The following SLC44A5 variants were observed in gnomAD, a reference collection of about 807,000 sequenced individuals.
The protein encoded by SLC44A5 is solute carrier family 44 member 5, also known as choline transporter-like protein 5.
In SLC44A5, 57 loss-of-function variants were observed where a neutral mutation model predicts 101.8. The ratio of observed to expected loss-of-function variants is 0.56; its 90% confidence interval spans 0.45 to 0.70. The LOEUF is 0.70. SLC44A5 is among the 30% of genes least tolerant of loss of function. The probability of loss-of-function intolerance (pLI) is 0.00; values close to 1 mark genes in which losing one functional copy is unlikely to be tolerated. For missense variants in SLC44A5, 737 were observed against 853.1 expected (o/e 0.86, Z 1.70); for synonymous variants, 281 against 290.9 (o/e 0.97, Z 0.35).
At chr1:75,276,686 T>A (rs1055300144) in intron 5 of SLC44A5, among the ~76,000 whole-genome samples, 2 of 152,240 alleles carry the variant, frequency 1.3e-5, no homozygotes, top group African/African-American at 4.8e-5. Context: ...ATCTTAGTTC[T>A]TGTCTTATTT....
At chr1:75,223,100 C>G (rs1168891916) in intron 13 of SLC44A5, among the ~76,000 whole-genome samples, 2 of 152,132 alleles carry the variant, frequency 1.3e-5, no homozygotes, top group Middle Eastern at 3.2e-3. Flanking sequence ...TGCGTCAAAA[C>G]CATCTTTATG....
At chr1:75,606,202 C>A (rs1206061417) in intron 1 of SLC44A5, among the ~76,000 whole-genome samples, 1 of 151,908 alleles carries the variant, frequency 6.6e-6, no homozygotes, top group Non-Finnish European at 1.5e-5. Flanking sequence ...CTTCTGGAAA[C>A]TTTTTCCTAC....
At chr1:75,685,009 C>T in the SLC44A5 span, among the ~76,000 whole-genome samples, 101 of 152,282 alleles carry the variant, frequency 6.6e-4, no homozygotes, top group Non-Finnish European at 4.7e-4. Flanking sequence ...CCTCTGAAAT[C>T]GAGGCAGAGC....
At chr1:75,496,012 C>T (rs1668652244) in intron 2 of SLC44A5, among the ~76,000 whole-genome samples, 1 of 152,018 alleles carries the variant, frequency 6.6e-6, no homozygotes, top group Non-Finnish European at 1.5e-5. Flanking sequence ...ACTATAGTCA[C>T]CCTGTTGTGT....
At chr1:75,723,201 T>C in the SLC44A5 span, among the ~76,000 whole-genome samples, 1 of 152,208 alleles carries the variant, frequency 6.6e-6, no homozygotes, top group African/African-American at 2.4e-5. Context: ...GTCTCCTTTA[T>C]GCGTGTGTGC....
chr1:75,274,958 T>G lies in SLC44A5; in HGVS notation c.260A>C (p.Glu87Ala). 1 of 1,611,318 alleles carries G rather than the reference T, an allele frequency of 6.2e-7. No homozygotes were observed. The highest frequency in any genetic ancestry group is 8.5e-7 in the Non-Finnish European group (1 of 1,178,444). The part of the protein sequence containing the change: ...HFCGQKGTPN[E>A]NKTILFYFNL... ...ACAAAGCAAAGGTGGCCATACTCAC[T>G]CATTGGGAGTGCCCTTCTGGCCACA... The change falls in exon 6 of 24, where the codon GAG becomes GCG. Residue 87 changes from glutamate to alanine, a missense_variant and splice_region_variant. By Grantham distance (107) the Glu-to-Ala change is moderately radical (BLOSUM62 -1). Coordinates refer to ENST00000370859, the MANE Select transcript of SLC44A5 (RefSeq NM_001130058.2).
In SLC44A5 at chr1:75,535,854, T is replaced by C. The variant is rs373277194; in HGVS notation, c.13+5581A>G. Reference sequence around the variant, plus strand: ...CACTCAGCAGAAACATTTTTAGTAGTTGGCATCTAAGACACCATTCACAAT... The same window carrying C: ...CACTCAGCAGAAACATTTTTAGTAGCTGGCATCTAAGACACCATTCACAAT... On this transcript the variant is annotated intron_variant, in intron 2 of 23. Transcript: ENST00000370859. Among the ~76,000 whole-genome samples the C allele has an allele frequency of 9.9e-4, 150 of 152,184 alleles. 5 individuals carry two copies. The South Asian group carries it at 0.016, about 16-fold the overall frequency.
At chr1:75,645,393 T>C in the SLC44A5 span, among the ~76,000 whole-genome samples, 1 of 152,182 alleles carries the variant, frequency 6.6e-6, no homozygotes, top group East Asian at 1.9e-4. Flanking sequence ...ATGAGCATTT[T>C]TTCATGTGTC....
In SLC44A5 at chr1:75,359,528, A is replaced by G. The variant is rs181229406; in HGVS notation, c.53-19898T>C. On this transcript the variant is annotated intron_variant, in intron 3 of 23. Transcript: ENST00000370859. ...AGTGCTGGGATTACAGGCCTGAGCCACCATGCCCAGCTATACCACATTTTC... is the reference window on the plus strand; with the variant it reads ...AGTGCTGGGATTACAGGCCTGAGCCGCCATGCCCAGCTATACCACATTTTC... Among the ~76,000 whole-genome samples the G allele has an allele frequency of 8.1e-4, 123 of 152,168 alleles. 1 individual carries two copies. Among genetic ancestry groups the G allele is most frequent in the African/African-American group, 2.7e-3 (113 of 41,526 alleles).
chr1:75,408,587 T>C (rs544356676), intron 2 of SLC44A5, among the ~76,000 whole-genome samples: 1 of 152,114 alleles, frequency 6.6e-6, no homozygotes, highest in Non-Finnish European at 1.5e-5. Flanking sequence ...AAACCATCAT[T>C]CTCAGCAAAC....
At chr1:75,513,869 G>T (rs1669690102) in intron 2 of SLC44A5, among the ~76,000 whole-genome samples, 1 of 152,152 alleles carries the variant, frequency 6.6e-6, no homozygotes, top group African/African-American at 2.4e-5. Flanking sequence ...TTACAGCTCT[G>T]TTGCACAGCC....
At chr1:75,576,239 G>T (rs1673355108) in intron 1 of SLC44A5, among the ~76,000 whole-genome samples, 1 of 151,476 alleles carries the variant, frequency 6.6e-6, no homozygotes, top group South Asian at 2.1e-4. Context: ...TGAAGATGGA[G>T]ATGAAGTTGG....
the SLC44A5 span, among the ~76,000 whole-genome samples, chr1:75,619,187 A>C: frequency 6.7e-6 from 1 of 149,612 alleles, no homozygotes; most frequent in Non-Finnish European, 1.5e-5. Flanking sequence ...GATGGAAGGA[A>C]GGAAGGAAGG....
the SLC44A5 span, among the ~76,000 whole-genome samples, chr1:75,701,265 CT>C: frequency 6.6e-6 from 1 of 152,188 alleles, no homozygotes; most frequent in South Asian, 2.1e-4. Flanking sequence ...CAATAAAATA[CT>C]GGCAAACCAA....
chr1:75,252,147 C>G (rs1649630851), intron 6 of SLC44A5, among the ~76,000 whole-genome samples: 1 of 152,064 alleles, frequency 6.6e-6, no homozygotes, highest in South Asian at 2.1e-4. Flanking sequence ...ATATTGGGCC[C>G]AGGAATTAGT....
the SLC44A5 span, among the ~76,000 whole-genome samples, chr1:75,665,914 T>C: frequency 6.6e-6 from 1 of 152,032 alleles, no homozygotes; most frequent in Non-Finnish European, 1.5e-5. Flanking sequence ...AAAACCACAA[T>C]GAGATACCAT....
chr1:75,698,197 G>T, the SLC44A5 span, among the ~76,000 whole-genome samples: 3 of 152,210 alleles, frequency 2.0e-5, no homozygotes, highest in Non-Finnish European at 4.4e-5. Context: ...ACCTCTGGGG[G>T]CAGGGCACAG....
At chr1:75,241,257 C>T (rs1648603575) in intron 9 of SLC44A5, among the ~76,000 whole-genome samples, 1 of 151,884 alleles carries the variant, frequency 6.6e-6, no homozygotes, top group African/African-American at 2.4e-5. Context: ...CAGTGTTTCA[C>T]TCTGTTGCCA....
At chr1:75,718,433 T>A in the SLC44A5 span, among the ~76,000 whole-genome samples, 1 of 152,194 alleles carries the variant, frequency 6.6e-6, no homozygotes, top group Non-Finnish European at 1.5e-5. Context: ...AATTTCTACT[T>A]GAGAGGCATT....
Sources: gnomAD v4.1 joint callset for allele counts (sites outside exome capture counted in the v4.1 genomes callset) on GRCh38, gnomAD v4.1.1 for gene constraint, MANE v1.5 for transcripts, NCBI Gene and HGNC (gene_info 2026-07-23, HGNC 2026-07-21) for gene names.